Variants in SDK1 observed in about 807,000 individuals in gnomAD.
SDK1 encodes the protein sidekick cell adhesion molecule 1.
In SDK1, 157 loss-of-function variants were observed where a neutral mutation model predicts 245.5. The observed-to-expected ratio is 0.64, with a 90% CI of 0.56 to 0.73. The LOEUF (loss-of-function observed/expected upper bound fraction) is 0.73. SDK1 is among the 30% of genes least tolerant of loss of function. The probability of loss-of-function intolerance (pLI) is 0.00; values close to 1 mark genes in which losing one functional copy is unlikely to be tolerated. For synonymous variants in SDK1, 1,647 were observed against 1,278.5 expected (o/e 1.29, Z -6.15); for missense variants, 3,583 against 3,002.3 (o/e 1.19, Z -4.52).
intron 1 of SDK1, among the ~76,000 whole-genome samples, chr7:3,567,882 G>C (rs1779979223): frequency 1.3e-5 from 2 of 152,212 alleles, no homozygotes; most frequent in South Asian, 4.1e-4. Flanking sequence ...TGCGGTCATA[G>C]CTCATTGCAG....
intron 4 of SDK1, among the ~76,000 whole-genome samples, chr7:3,764,848 T>C (rs1780208495): frequency 1.3e-5 from 2 of 152,110 alleles, no homozygotes; most frequent in African/African-American, 4.8e-5. Context: ...AATCCAGCTG[T>C]CTTTTATTAA....
intron 1 of SDK1, among the ~76,000 whole-genome samples, chr7:3,567,313 C>T (rs1282022531): frequency 6.6e-6 from 1 of 152,160 alleles, no homozygotes; most frequent in Non-Finnish European, 1.5e-5. Context: ...TGGCTTGATA[C>T]CTGCAACAGG....
At chr7:3,345,489 C>G (rs1043834202) in intron 1 of SDK1, among the ~76,000 whole-genome samples, 2 of 152,142 alleles carry the variant, frequency 1.3e-5, no homozygotes, top group African/African-American at 4.8e-5. Flanking sequence ...CTTAGACATT[C>G]TTACAATAAG....
intron 4 of SDK1, among the ~76,000 whole-genome samples, chr7:3,693,058 A>T (rs924751528): frequency 6.6e-6 from 1 of 152,016 alleles, no homozygotes; most frequent in Non-Finnish European, 1.5e-5. Context: ...ATATAATAAA[A>T]TTTTAGATGC....
intron 1 of SDK1, among the ~76,000 whole-genome samples, chr7:3,607,632 T>C (rs915315599): frequency 6.6e-6 from 1 of 152,252 alleles, no homozygotes; most frequent in Non-Finnish European, 1.5e-5. Context: ...TGCTTTCTTT[T>C]CTTTAAATTG....
intron 27 of SDK1, 118 bp from the exon 28 acceptor site, chr7:4,132,207 C>T (rs749807432): frequency 3.9e-6 from 3 of 768,604 alleles, no homozygotes; most frequent in African/African-American, 1.7e-5. Context: ...TCTAAACCCA[C>T]GACAGTGTAG....
intron 1 of SDK1, among the ~76,000 whole-genome samples, chr7:3,549,040 G>C (rs1779319044): frequency 6.6e-6 from 1 of 152,196 alleles, no homozygotes; most frequent in South Asian, 2.1e-4. Context: ...CCAGAGAGCT[G>C]CATCCCTGGG....
intron 1 of SDK1, among the ~76,000 whole-genome samples, chr7:3,389,940 A>G (rs1781706165): frequency 1.3e-5 from 2 of 152,190 alleles, no homozygotes; most frequent in African/African-American, 4.8e-5. Flanking sequence ...TAATGTAGAT[A>G]TTAAAGACTG....
At chr7:3,913,953 C>A (rs897575599) in intron 5 of SDK1, among the ~76,000 whole-genome samples, 1 of 152,202 alleles carries the variant, frequency 6.6e-6, no homozygotes, top group Non-Finnish European at 1.5e-5. Flanking sequence ...GGGCCCAGGG[C>A]TGACTCTGCT....
chr7:3,400,230 C>T (rs1036818903), intron 1 of SDK1, among the ~76,000 whole-genome samples: 1 of 152,100 alleles, frequency 6.6e-6, no homozygotes. Flanking sequence ...AGTTAAAATG[C>T]CATGAACCAA....
At chr7:3,371,980 G>A (rs1314698214) in intron 1 of SDK1, among the ~76,000 whole-genome samples, 3 of 152,134 alleles carry the variant, frequency 2.0e-5, no homozygotes, top group African/African-American at 7.2e-5. Flanking sequence ...TTTGTCTCAG[G>A]TATCTTGTCT....
intron 2 of SDK1, among the ~76,000 whole-genome samples, chr7:3,633,939 G>T (rs936479554): frequency 6.6e-6 from 1 of 152,028 alleles, no homozygotes; most frequent in Non-Finnish European, 1.5e-5. Flanking sequence ...GCCCTAGTTG[G>T]CACTGGACAC....
rs757343925 is a variant in SDK1 at position 4,221,349 on chromosome 7, G to C, written c.5812G>C (p.Glu1938Gln). The change falls in exon 40 of 45, where the codon GAG becomes CAG. Residue 1938 changes from glutamate (E) to glutamine (Q), a missense_variant. Physicochemically the swap from Glu to Gln is conservative, Grantham distance 29. Coordinates refer to ENST00000404826, the MANE Select transcript of SDK1 (RefSeq NM_152744.4). ...GDTPTTGYVI[E>Q]ARPSDEGLWD... ...CACACCTACCACGGGCTATGTGATCGAGGCCCGGCCCTCAGGTAGGGTGGC... is the reference window on the plus strand; with the variant it reads ...CACACCTACCACGGGCTATGTGATCCAGGCCCGGCCCTCAGGTAGGGTGGC... 6.2e-7 allele frequency: 1 copy of C among 1,609,594 alleles called. No individual in the cohort carries two copies. The highest frequency in any genetic ancestry group is 8.5e-7 in the Non-Finnish European group (1 of 1,178,312).
chr7:3,860,007 C>T (rs1044744081), intron 5 of SDK1, among the ~76,000 whole-genome samples: 2 of 151,842 alleles, frequency 1.3e-5, no homozygotes, highest in African/African-American at 4.8e-5. Context: ...GCAAGCTCCA[C>T]CTCCCAGGTT....
intron 5 of SDK1, among the ~76,000 whole-genome samples, chr7:3,937,470 C>T (rs1053852232): frequency 6.6e-6 from 1 of 152,234 alleles, no homozygotes; most frequent in African/African-American, 2.4e-5. Flanking sequence ...GTCCTCACCG[C>T]TCTTCTTAAA....
intron 1 of SDK1, among the ~76,000 whole-genome samples, chr7:3,363,193 A>G (rs549071845): frequency 2.5e-4 from 38 of 152,320 alleles, no homozygotes; most frequent in African/African-American, 8.4e-4. Context: ...CTATAAATTT[A>G]TCATTTCAAA....
At chr7:3,713,513 CA>C (rs1329690244) in intron 4 of SDK1, among the ~76,000 whole-genome samples, 1 of 152,202 alleles carries the variant, frequency 6.6e-6, no homozygotes, top group Non-Finnish European at 1.5e-5. Flanking sequence ...GTCTCTCCCC[CA>C]CCCGCAGCAC....
intron 20 of SDK1, among the ~76,000 whole-genome samples, chr7:4,076,672 G>C (rs139371542): frequency 1.3e-5 from 2 of 152,178 alleles, no homozygotes; most frequent in African/African-American, 2.4e-5. Context: ...GGCAGCTGTC[G>C]TCATGTTTCA....
chr7:3,633,391 CAGGT>C (rs1334125481), intron 2 of SDK1, among the ~76,000 whole-genome samples: 1 of 152,098 alleles, frequency 6.6e-6, no homozygotes, highest in African/African-American at 2.4e-5. Flanking sequence ...TGGCCTGTAA[CAGGT>C]AGATTCGGTC....
Sources: gnomAD v4.1 joint callset for allele counts (sites outside exome capture counted in the v4.1 genomes callset) on GRCh38, gnomAD v4.1.1 for gene constraint, MANE v1.5 for transcripts, NCBI Gene and HGNC (gene_info 2026-07-23, HGNC 2026-07-21) for gene names.